The following PCDH15 variants were observed in gnomAD, a reference collection of about 807,000 sequenced individuals.
The protein encoded by PCDH15 is protocadherin related 15.
In PCDH15, 129 loss-of-function variants were observed where a neutral mutation model predicts 178.5. The ratio of observed to expected loss-of-function variants is 0.72; its 90% confidence interval spans 0.63 to 0.84. The LOEUF (loss-of-function observed/expected upper bound fraction) is 0.84, where lower values mean the gene tolerates loss of function less well. Among genes scored for constraint, PCDH15 ranks in the 40% least tolerant of loss-of-function variants. The pLI, the probability that PCDH15 is intolerant of heterozygous loss-of-function variation, is 0.00. For missense variants in PCDH15, 2,230 were observed against 2,099.9 expected (o/e 1.06, Z -1.21); for synonymous variants, 800 against 732.0 (o/e 1.09, Z -1.50).
At chr10:55,001,894 A>T (rs1302065368) in intron 2 of PCDH15, among the ~76,000 whole-genome samples, 1 of 152,202 alleles carries the variant, frequency 6.6e-6, no homozygotes, top group African/African-American at 2.4e-5. Context: ...CTGTACTTGT[A>T]TTTAGCATTA....
At chr10:55,417,680 CA>C (rs1316646153) in intron 2 of PCDH15, among the ~76,000 whole-genome samples, 3 of 150,730 alleles carry the variant, frequency 2.0e-5, no homozygotes, top group Non-Finnish European at 3.0e-5. Flanking sequence ...AATACATTTT[CA>C]AACAGACAAG....
intron 2 of PCDH15, among the ~76,000 whole-genome samples, chr10:55,403,053 T>G (rs1356313644): frequency 6.6e-6 from 1 of 152,066 alleles, no homozygotes; most frequent in Non-Finnish European, 1.5e-5. Flanking sequence ...GGTTTTGATT[T>G]GCATTTCTCA....
chr10:55,085,129 T>C (rs550052730), intron 2 of PCDH15, among the ~76,000 whole-genome samples: 12 of 152,024 alleles, frequency 7.9e-5, no homozygotes, highest in Non-Finnish European at 1.8e-4. Context: ...TGTACTCCCA[T>C]GATTATTGCA....
intron 3 of PCDH15, among the ~76,000 whole-genome samples, chr10:54,826,543 G>T (rs940098882): frequency 6.6e-6 from 1 of 151,812 alleles, no homozygotes; most frequent in Non-Finnish European, 1.5e-5. Flanking sequence ...GTGTGTGTGT[G>T]TGTATATGTA....
At chr10:54,837,554 A>T (rs1394018290) in intron 3 of PCDH15, among the ~76,000 whole-genome samples, 1 of 152,200 alleles carries the variant, frequency 6.6e-6, no homozygotes, top group African/African-American at 2.4e-5. Context: ...AAAGTGATTT[A>T]TAAAATTGGA....
chr10:55,425,339 A>T (rs948326982), intron 2 of PCDH15, among the ~76,000 whole-genome samples: 1 of 152,174 alleles, frequency 6.6e-6, no homozygotes, highest in East Asian at 1.9e-4. Flanking sequence ...AAGTCATGGA[A>T]AAAACTAACA....
intron 2 of PCDH15, among the ~76,000 whole-genome samples, chr10:54,958,711 AAC>A (rs1473430757): frequency 4.6e-5 from 7 of 151,742 alleles, no homozygotes; most frequent in African/African-American, 1.7e-4. Flanking sequence ...GAATAAAGCC[AAC>A]ACCATGAAAA....
At chr10:55,378,153 C>A (rs1837444812) in intron 2 of PCDH15, among the ~76,000 whole-genome samples, 1 of 152,006 alleles carries the variant, frequency 6.6e-6, no homozygotes, top group Non-Finnish European at 1.5e-5. Context: ...CACGTTTATA[C>A]CTATGTAACA....
intron 3 of PCDH15, among the ~76,000 whole-genome samples, chr10:54,418,363 T>A (rs1284294605): frequency 6.6e-6 from 1 of 152,022 alleles, no homozygotes; most frequent in African/African-American, 2.4e-5. Context: ...TTATAGATAT[T>A]AATATTAATT....
At chr10:55,268,264 T>C (rs1212205721) in intron 1 of PCDH15, among the ~76,000 whole-genome samples, 3 of 152,180 alleles carry the variant, frequency 2.0e-5, no homozygotes, top group Non-Finnish European at 4.4e-5. Context: ...AGACACTAAG[T>C]GGTGGAGCTT....
chr10:55,270,096 C>T (rs192038533), intron 1 of PCDH15, among the ~76,000 whole-genome samples: 8 of 152,132 alleles, frequency 5.3e-5, no homozygotes, highest in Admixed American at 5.2e-4. Context: ...CAAGAATGAA[C>T]CTGACCCCTT....
intron 3 of PCDH15, among the ~76,000 whole-genome samples, chr10:54,437,229 C>T (rs545775025): frequency 1.3e-5 from 2 of 152,266 alleles, no homozygotes; most frequent in East Asian, 3.9e-4. Context: ...CTACATATAT[C>T]CTGCAGAGTT....
chr10:55,560,656 A>G (rs1842179402), intron 2 of PCDH15, among the ~76,000 whole-genome samples: 1 of 151,942 alleles, frequency 6.6e-6, no homozygotes, highest in Admixed American at 6.6e-5. Context: ...AATGAAAAAG[A>G]GTAATGTCAC....
intron 3 of PCDH15, among the ~76,000 whole-genome samples, chr10:54,469,851 C>A (rs2077776350): frequency 6.6e-6 from 1 of 152,088 alleles, no homozygotes; most frequent in Non-Finnish European, 1.5e-5. Flanking sequence ...CTGTGACAGG[C>A]TGCAATGGCC....
At position 53,831,518 on chromosome 10, in the gene PCDH15, T is replaced by G. The variant is rs758620408; in HGVS notation, c.3999A>C (p.Lys1333Asn). The G allele has an allele frequency of 1.2e-6, 2 of 1,613,534 alleles. No homozygotes were observed. Among genetic ancestry groups the G allele is most frequent in the South Asian group, 1.1e-5 (1 of 90,990 alleles). Residue 1333 changes from lysine (K) to asparagine (N), a missense_variant, in exon 30 of 38, where the codon AAA (lysine) becomes AAC (asparagine). Transcript: ENST00000644397. The stretch of plus-strand genomic sequence containing the variant: ...GAAAGTCTTTATTGATATCAAGTAG[T>G]TTGCCATCCAAAAATCTTTATTGTT... ...RNELFKFLDG[K>N]LLDINKDFQP... is the part of the protein sequence containing the mutation.
At chr10:54,152,793 G>T (rs546010638) in intron 14 of PCDH15, among the ~76,000 whole-genome samples, 1 of 151,886 alleles carries the variant, frequency 6.6e-6, no homozygotes, top group Non-Finnish European at 1.5e-5. Context: ...ACTCAGAAGT[G>T]ACTTTGAAAC....
At chr10:53,889,994 C>T (rs2081438955) in intron 26 of PCDH15, among the ~76,000 whole-genome samples, 1 of 152,212 alleles carries the variant, frequency 6.6e-6, no homozygotes, top group South Asian at 2.1e-4. Flanking sequence ...TGGTAATGCT[C>T]TGTTTCTTGA....
intron 20 of PCDH15, among the ~76,000 whole-genome samples, chr10:54,018,538 C>G (rs888186437): frequency 6.6e-6 from 1 of 152,028 alleles, no homozygotes; most frequent in Non-Finnish European, 1.5e-5. Context: ...AAATATAATA[C>G]TGGCAAAGAT....
chr10:54,567,584 C>T (rs1590162070), intron 2 of PCDH15, among the ~76,000 whole-genome samples: 2 of 151,980 alleles, frequency 1.3e-5, no homozygotes, highest in African/African-American at 4.8e-5. Context: ...TTTTCAAATG[C>T]AAAGCTAAAA....
Sources: gnomAD v4.1 joint callset for allele counts (sites outside exome capture counted in the v4.1 genomes callset) on GRCh38, gnomAD v4.1.1 for gene constraint, MANE v1.5 for transcripts, NCBI Gene and HGNC (gene_info 2026-07-23, HGNC 2026-07-21) for gene names.